The following REEP5 variants were observed in gnomAD, a reference collection of about 807,000 sequenced individuals.
REEP5 encodes the protein receptor accessory protein 5.
REEP5 carries 24 observed loss-of-function variants against 22.4 expected under a neutral mutation model. The observed-to-expected ratio is 1.07, with a 90% CI of 0.78 to 1.51. The LOEUF is 1.51. Ranked by LOEUF, REEP5 falls within the 40% of genes most tolerant of loss-of-function variation. The pLI is 0.00. For missense variants in REEP5, 252 were observed against 233.0 expected, an observed-to-expected ratio of 1.08 and a Z score of -0.53; for synonymous variants, 103 against 88.6, an observed-to-expected ratio of 1.16 and a Z score of -0.92.
intron 3 of REEP5, chr5:112,891,961 C>T (rs1768470798): frequency 1.6e-6 from 2 of 1,243,490 alleles, no homozygotes; most frequent in Non-Finnish European, 2.4e-6. Context: ...GCTAGAAGAA[C>T]AAGAGAGAAA....
At chr5:112,902,811 C>A (rs1467720188) in intron 2 of REEP5, among the ~76,000 whole-genome samples, 1 of 152,204 alleles carries the variant, frequency 6.6e-6, no homozygotes, top group East Asian at 1.9e-4. Flanking sequence ...GAATATACCA[C>A]TAGTGACTGG....
chr5:112,909,182 T>C (rs1450577135), intron 2 of REEP5, among the ~76,000 whole-genome samples: 2 of 149,782 alleles, frequency 1.3e-5, no homozygotes, highest in African/African-American at 2.5e-5. Flanking sequence ...ACTTACTAGA[T>C]ATATGACCCT....
At chr5:112,921,416 G>A (rs1769362790) in intron 1 of REEP5, 160 bp from the exon 2 acceptor site, 1 of 696,400 alleles carries the variant, frequency 1.4e-6, no homozygotes, top group Non-Finnish European at 2.5e-6. Context: ...GGGCCTGCGC[G>A]TCCGCTGGGC....
At chr5:112,891,889 G>T in intron 3 of REEP5, 2 of 1,372,122 alleles carry the variant, frequency 1.5e-6, no homozygotes, top group Non-Finnish European at 2.1e-6. Context: ...GTTGCTGAGG[G>T]AGCAGAAGGC....
At chr5:112,913,754 C>T (rs1446845404) in intron 2 of REEP5, among the ~76,000 whole-genome samples, 2 of 152,146 alleles carry the variant, frequency 1.3e-5, no homozygotes, top group Non-Finnish European at 2.9e-5. Flanking sequence ...GACATCCCTA[C>T]ACTTAAGACT....
intron 1 of REEP5, 37 bp downstream of exon 1, chr5:112,922,036 G>T: frequency 6.4e-7 from 1 of 1,570,048 alleles, no homozygotes. Context: ...GGCGGCTCCC[G>T]TGGCCCTACC....
intron 4 of REEP5, among the ~76,000 whole-genome samples, chr5:112,884,214 G>T (rs1402928780): frequency 2.0e-5 from 3 of 152,002 alleles, no homozygotes; most frequent in African/African-American, 7.3e-5. Flanking sequence ...CTTTACAATG[G>T]CCTATAAGGC....
intron 4 of REEP5, chr5:112,885,453 G>GAAAGCC (rs1324118453): frequency 5.1e-6 from 1 of 194,998 alleles, no homozygotes; most frequent in East Asian, 1.4e-4. Context: ...AAGAGGAGGC[G>GAAAGCC]AAAGCCAAGA....
chr5:112,877,249 A>G lies in REEP5; in HGVS notation c.*1537T>C, dbSNP rs1767925306. 1 of 152,170 alleles carries G rather than the reference A, an allele frequency of 6.6e-6. No homozygotes were observed. The highest frequency in any genetic ancestry group is 1.5e-5 in the Non-Finnish European group (1 of 68,036). The allele number at this position is 152,170 out of a possible 1,614,324, so 9.4% of individuals were successfully genotyped here. Reference sequence around the variant, plus strand: ...TATCTTTAATATTTTTTACATCATGAGACATTGTTATGATCTTACCTGATT... The same window carrying G: ...TATCTTTAATATTTTTTACATCATGGGACATTGTTATGATCTTACCTGATT... On this transcript the variant is annotated 3_prime_UTR_variant, in exon 5 of 5. Coordinates refer to ENST00000379638, the MANE Select transcript of REEP5 (RefSeq NM_005669.5).
intron 2 of REEP5, among the ~76,000 whole-genome samples, chr5:112,905,848 A>G (rs1360239317): frequency 6.6e-6 from 1 of 151,960 alleles, no homozygotes; most frequent in Non-Finnish European, 1.5e-5. Flanking sequence ...TCTCAAACTC[A>G]TGGGGCTCAA....
chr5:112,907,150 C>T (rs929244478), intron 2 of REEP5, among the ~76,000 whole-genome samples: 4 of 152,220 alleles, frequency 2.6e-5, no homozygotes, highest in Non-Finnish European at 4.4e-5. Flanking sequence ...TCAGCCTGCA[C>T]AGCTAACCCC....
intron 2 of REEP5, among the ~76,000 whole-genome samples, chr5:112,905,063 TTTAA>T (rs1396474814): frequency 1.4e-4 from 21 of 152,190 alleles, no homozygotes; most frequent in South Asian, 8.3e-4. Flanking sequence ...TATTGAAGCA[TTTAA>T]TTGTTTTAAT....
intron 3 of REEP5, among the ~76,000 whole-genome samples, chr5:112,901,656 G>A (rs763459934): frequency 6.6e-5 from 10 of 151,518 alleles, no homozygotes; most frequent in Non-Finnish European, 1.2e-4. Context: ...AGGTTGCAGT[G>A]AGCGGAGATT....
intron 4 of REEP5, among the ~76,000 whole-genome samples, chr5:112,883,834 C>T (rs1377241331): frequency 6.6e-6 from 1 of 152,192 alleles, no homozygotes; most frequent in Non-Finnish European, 1.5e-5. Flanking sequence ...TCTTCTCCAG[C>T]TCAGTGGCAA....
chr5:112,920,666 TTGTC>T (rs751475842), intron 2 of REEP5, among the ~76,000 whole-genome samples: 1 of 152,214 alleles, frequency 6.6e-6, no homozygotes, highest in Non-Finnish European at 1.5e-5. Flanking sequence ...TTTCCCAAGT[TTGTC>T]TGTAACATGT....
chr5:112,887,348 G>GA (rs558698620), intron 3 of REEP5, among the ~76,000 whole-genome samples, 165 bp from the exon 4 acceptor site: 77 of 152,184 alleles, frequency 5.1e-4, no homozygotes, highest in African/African-American at 1.7e-3. Flanking sequence ...TCTTTAGATG[G>GA]AAAAAACATG....
chr5:112,878,861 A>G (rs1302636338), intron 4 of REEP5, 26 bp from the exon 5 acceptor site: 2 of 1,613,768 alleles, frequency 1.2e-6, no homozygotes, highest in African/African-American at 2.7e-5. Flanking sequence ...GAGGGAAAGA[A>G]AAATATATCA....
rs192406541 is a variant in REEP5, at chr5:112,889,919, C to T, written c.352-2736G>A. ...TCAGCTCACTGCAACCTCCGCCTCC[C>T]GGATTCAAGCGATTCTCCTGTCTCA... On this transcript the variant is annotated intron_variant, in intron 3 of 4. Coordinates refer to ENST00000379638, the MANE Select transcript of REEP5 (RefSeq NM_005669.5). Among the ~76,000 whole-genome samples the T allele has an allele frequency of 1.4e-4, 21 of 149,980 alleles. 3 individuals carry two copies. The East Asian group carries it at 3.9e-3, about 28-fold the overall frequency.
chr5:112,905,712 C>T (rs534943809), intron 2 of REEP5, among the ~76,000 whole-genome samples: 1 of 152,168 alleles, frequency 6.6e-6, no homozygotes, highest in East Asian at 1.9e-4. Context: ...CCTCAACCTC[C>T]TGGACTCAAG....
Sources: gnomAD v4.1 joint callset for allele counts (sites outside exome capture counted in the v4.1 genomes callset) on GRCh38, gnomAD v4.1.1 for gene constraint, MANE v1.5 for transcripts, NCBI Gene and HGNC (gene_info 2026-07-23, HGNC 2026-07-21) for gene names.